SEM1: variants seen among roughly 807,000 people sequenced by gnomAD.
SEM1 encodes 26S proteasome complex subunit SEM1.
A neutral mutation model predicts 12.7 loss-of-function variants in SEM1; 3 were observed. That is an observed-to-expected ratio of 0.24 (90% CI 0.11 to 0.61). The LOEUF (loss-of-function observed/expected upper bound fraction) is 0.61. Ranked by LOEUF, SEM1 falls within the 20% of genes least tolerant of loss-of-function variation. The pLI, the probability that SEM1 is intolerant of heterozygous loss-of-function variation, is 0.88. For synonymous variants in SEM1, 30 were observed against 27.8 expected, an observed-to-expected ratio of 1.08 and a Z score of -0.25; for missense variants, 59 against 81.3, an observed-to-expected ratio of 0.73 and a Z score of 1.06.
At chr7:96,687,801 G>GA (rs1003884048), downstream of SEM1, 1 of 151,364 alleles carries the variant, frequency 6.6e-6, no homozygotes, top group African/African-American at 2.4e-5. Flanking sequence ...TAAAAAAAAA[G>GA]AAAAAAAGTA....
intron 2 of SEM1, among the ~76,000 whole-genome samples, chr7:96,571,905 G>A (rs1304761657): frequency 4.6e-5 from 7 of 151,962 alleles, no homozygotes; most frequent in Middle Eastern, 3.2e-3. Context: ...CTGTGAATCC[G>A]TCTGGTCCTG....
intron 2 of SEM1, among the ~76,000 whole-genome samples, chr7:96,603,817 G>T (rs538425764): frequency 6.6e-6 from 1 of 151,628 alleles, no homozygotes; most frequent in African/African-American, 2.4e-5. Flanking sequence ...CTCCCACAGA[G>T]AGATTTCAAA....
intron 2 of SEM1, among the ~76,000 whole-genome samples, chr7:96,588,383 CACACACACACACACGAGAGA>C (rs1563074161): frequency 2.7e-5 from 3 of 112,596 alleles, no homozygotes; most frequent in Non-Finnish European, 3.8e-5. Flanking sequence ...CACACACACA[CACACACACACACACGAGAGA>C]GAGAGAGAGA....
intron 2 of SEM1, chr7:96,673,944 C>T: frequency 1.4e-6 from 1 of 710,108 alleles, no homozygotes; most frequent in Non-Finnish European, 2.6e-6. Context: ...ATAAGCCTGG[C>T]CCATCCTGAA....
At chr7:96,642,600 A>AT (rs150876330) in intron 2 of SEM1, among the ~76,000 whole-genome samples, 7,700 of 150,950 alleles carry the variant, frequency 0.051, 242 homozygotes, top group South Asian at 0.09. Context: ...CCAAGCTATG[A>AT]TTTTTTTTCT....
intron 2 of SEM1, among the ~76,000 whole-genome samples, chr7:96,580,202 G>A (rs1162548091): frequency 4.1e-5 from 6 of 145,374 alleles, no homozygotes; most frequent in Admixed American, 7.2e-5. Context: ...TCCCACCTAT[G>A]AGTGAGAATA....
Position 96,709,616 on chromosome 7 carries a change from C to G in SEM1, c.76+72G>C, listed in dbSNP as rs1790585123. ...GCCGGTGCCCCCAGCTGGGCCCGAG[C>G]ACCCAAGCTACCTCCACACGGAGGC... On this transcript the variant is annotated intron_variant, in intron 1 of 2. Transcript: ENST00000248566. 2.8e-6 allele frequency: 4 copies of G among 1,444,062 alleles called. No individual in the cohort carries two copies. The South Asian group carries it at 4.7e-5, about 17-fold the overall frequency. 89.5% of individuals were successfully genotyped at this position (1,444,062 alleles called of 1,614,324 possible). A position where few individuals can be genotyped will look rare whatever the true frequency, so the allele number is the denominator to read the frequency against.
intron 2 of SEM1, chr7:96,653,979 T>C (rs910140222): frequency 6.6e-6 from 1 of 152,164 alleles, no homozygotes; most frequent in East Asian, 1.9e-4. Flanking sequence ...GGAATATGAT[T>C]GAGGGGGAGA....
intron 2 of SEM1, among the ~76,000 whole-genome samples, chr7:96,557,564 G>C (rs1419661431): frequency 2.2e-5 from 2 of 90,212 alleles, no homozygotes; most frequent in African/African-American, 5.7e-5. Flanking sequence ...ATTTCCAGCT[G>C]CGTGCTGGGA....
chr7:96,591,470 C>T (rs1400121911), intron 2 of SEM1, among the ~76,000 whole-genome samples: 2 of 152,058 alleles, frequency 1.3e-5, no homozygotes, highest in Non-Finnish European at 2.9e-5. Flanking sequence ...TATATATTTC[C>T]AAGGAGAGTC....
chr7:96,558,261 C>T lies in SEM1; in HGVS notation c.171-51563G>A, dbSNP rs62471400. 7.4e-3 allele frequency: 1,138 copies of T among 152,782 alleles called. 3 individuals carry two copies. Among genetic ancestry groups the T allele is most frequent in the Non-Finnish European group, 0.011 (746 of 68,422 alleles). The allele number at this position is 152,782 out of a possible 1,614,324, so 9.5% of individuals were successfully genotyped here. ...CCAGCTGATGCATGTCCATGGCTGC[C>T]ACATTATGAAACAGAAAAGAAGCAA... is the stretch of plus-strand genomic sequence containing the variant. On this transcript the variant is annotated intron_variant and NMD_transcript_variant, in intron 2 of 3. Coordinates refer to the SEM1 transcript ENST00000466986.
intron 2 of SEM1, among the ~76,000 whole-genome samples, chr7:96,510,463 T>C (rs1803903139): frequency 6.6e-6 from 1 of 152,164 alleles, no homozygotes; most frequent in Admixed American, 6.6e-5. Context: ...TATCTAAACA[T>C]ATCTAAATAT....
chr7:96,682,534 G>C (rs1234689892), intron 2 of SEM1, among the ~76,000 whole-genome samples: 2 of 151,756 alleles, frequency 1.3e-5, no homozygotes, highest in Admixed American at 6.6e-5. Flanking sequence ...GTCATAAATA[G>C]CTCTTACTAT....
intron 2 of SEM1, among the ~76,000 whole-genome samples, chr7:96,605,297 C>G (rs533774327): frequency 1.2e-4 from 19 of 152,102 alleles, no homozygotes; most frequent in African/African-American, 4.6e-4. Context: ...CTAAATCCAA[C>G]GAACTATGGT....
At chr7:96,612,011 A>T (rs1807555689) in intron 2 of SEM1, among the ~76,000 whole-genome samples, 1 of 152,068 alleles carries the variant, frequency 6.6e-6, no homozygotes, top group African/African-American at 2.4e-5. Context: ...AAAAAAGCAT[A>T]GTATAATTTC....
downstream of SEM1, among the ~76,000 whole-genome samples, chr7:96,685,157 A>T (rs138429136): frequency 6.6e-6 from 1 of 152,140 alleles, no homozygotes; most frequent in Non-Finnish European, 1.5e-5. Flanking sequence ...CATTATTAAT[A>T]TAACATTCAA....
chr7:96,633,774 A>G (rs555463207), intron 2 of SEM1, among the ~76,000 whole-genome samples: 1 of 152,244 alleles, frequency 6.6e-6, no homozygotes, highest in Middle Eastern at 3.4e-3. Context: ...TTGTTATGGT[A>G]GTTCTACTGA....
intron 2 of SEM1, chr7:96,486,066 T>C (rs534519541): frequency 4.6e-6 from 3 of 649,036 alleles, no homozygotes; most frequent in African/African-American, 1.8e-5. Context: ...GAAAGGAAAA[T>C]ATCACGTGTA....
At chr7:96,641,649 A>G (rs886091774) in intron 2 of SEM1, among the ~76,000 whole-genome samples, 1 of 152,052 alleles carries the variant, frequency 6.6e-6, no homozygotes, top group Admixed American at 6.6e-5. Flanking sequence ...ACAAACAATC[A>G]AATAATTTAG....
Sources: gnomAD v4.1 joint callset for allele counts (sites outside exome capture counted in the v4.1 genomes callset) on GRCh38, gnomAD v4.1.1 for gene constraint, MANE v1.5 for transcripts, NCBI Gene and HGNC (gene_info 2026-07-23, HGNC 2026-07-21) for gene names.